TCOF1: variants seen among roughly 807,000 people sequenced by gnomAD.
TCOF1 encodes the protein treacle protein.
In TCOF1, 33 loss-of-function variants were observed where a neutral mutation model predicts 149.0. The ratio of observed to expected loss-of-function variants is 0.22; its 90% CI spans 0.17 to 0.30. The LOEUF is 0.30. Among genes scored for constraint, TCOF1 ranks in the 10% least tolerant of loss-of-function variants. TCOF1 has a pLI of 1.00. For missense variants in TCOF1, 1,728 were observed against 1,840.7 expected (o/e 0.94, Z 1.12); for synonymous variants, 789 against 738.8 (o/e 1.07, Z -1.10).
intron 24 of TCOF1, 88 bp downstream of exon 24, chr5:150,396,930 T>G (rs1768665248): frequency 1.4e-6 from 2 of 1,441,376 alleles, no homozygotes; most frequent in Admixed American, 2.0e-5. Context: ...CCTGGTCTCA[T>G]TCCTCCCATG....
intron 2 of TCOF1, among the ~76,000 whole-genome samples, chr5:150,362,536 G>A (rs1339769907): frequency 1.3e-5 from 2 of 152,190 alleles, no homozygotes; most frequent in African/African-American, 4.8e-5. Flanking sequence ...GCTTCAGGAA[G>A]ACAGGTTTCA....
intron 1 of TCOF1, 118 bp downstream of exon 1, chr5:150,357,972 C>G: frequency 1.0e-6 from 1 of 995,886 alleles, no homozygotes; most frequent in Non-Finnish European, 1.4e-6. Context: ...TCCCGCAGTG[C>G]TCGACGGCGC....
Position 150,372,161 on chromosome 5 carries a change from G to A in TCOF1, c.795G>A (p.Lys265=), listed in dbSNP as rs1318337271. 2.5e-6 allele frequency: 4 copies of A among 1,614,078 alleles called. No individual in the cohort carries two copies. Among genetic ancestry groups the A allele is most frequent in the African/African-American group, 2.7e-5 (2 of 74,952 alleles). The part of the protein sequence containing the change: ...GALPPAKRAK[K]PEEESESSEE... ...TGCCCCCAGCCAAGAGGGCCAAGAA[G>A]CCAGAAGAGGAGTCAGAGAGTAGTG... Residue 265 remains lysine, a synonymous_variant, in exon 7 of 27, where the codon AAG becomes AAA. Coordinates refer to ENST00000643257, the MANE Select transcript of TCOF1 (RefSeq NM_001371623.1).
chr5:150,379,498 A>AG (rs1229307400), intron 16 of TCOF1, 34 bp from the exon 17 acceptor site: 1 of 1,613,330 alleles, frequency 6.2e-7, no homozygotes, highest in Admixed American at 1.7e-5. Flanking sequence ...TCCACCCTCC[A>AG]GGCTCTCTCC....
chr5:150,375,206 A>G (rs772445766), intron 10 of TCOF1, 43 bp downstream of exon 10: 21 of 1,612,670 alleles, frequency 1.3e-5, no homozygotes, highest in Non-Finnish European at 1.8e-5. Context: ...CCCTGCCTCA[A>G]AAGACCTCCT....
chr5:150,392,627 G>A (rs1234196644), intron 21 of TCOF1, 78 bp from the exon 22 acceptor site: 1 of 1,448,690 alleles, frequency 6.9e-7, no homozygotes, highest in Non-Finnish European at 9.6e-7. Flanking sequence ...GAGAGACCAG[G>A]GCCTTCCTGA....
intron 6 of TCOF1, among the ~76,000 whole-genome samples, chr5:150,371,539 T>C (rs1762522490): frequency 6.6e-6 from 1 of 152,074 alleles, no homozygotes; most frequent in Non-Finnish European, 1.5e-5. Context: ...AGGAAAGAGC[T>C]CACAGAGGGA....
intron 7 of TCOF1, 150 bp downstream of exon 7, chr5:150,372,386 G>C: frequency 2.8e-6 from 2 of 711,132 alleles, no homozygotes. Flanking sequence ...CTTCCCACAG[G>C]GGAGTCTTGC....
chr5:150,384,046 C>T, intron 17 of TCOF1: 1 of 1,348,332 alleles, frequency 7.4e-7, no homozygotes, highest in African/African-American at 1.5e-5. Flanking sequence ...GCTCCCCTGT[C>T]CCAGGGCCTA....
rs749270349 is a variant in TCOF1, at chr5:150,374,761, T to C, written c.1228T>C (p.Ser410Pro). 8.7e-6 allele frequency: 14 copies of C among 1,611,892 alleles called. No individual in the cohort carries two copies. In the Admixed American group the frequency reaches 1.2e-4, roughly 13 times the overall value. The change falls in exon 9 of 27, where the codon TCG becomes CCG. Residue 410 changes from serine (S) to proline (P), a missense_variant. By Grantham distance (74) the Ser-to-Pro change is moderately conservative. Coordinates refer to ENST00000643257, the MANE Select transcript of TCOF1 (RefSeq NM_001371623.1). ...CCAGGCGGGGAAGCGGGAGGAGGAC[T>C]CGCAGAGCAGCAGCGAGGAATCGGA... ...KAQAGKREED[S>P]QSSSEESDSE...
chr5:150,398,047 C>T (rs1167523239), intron 24 of TCOF1, among the ~76,000 whole-genome samples: 2 of 152,222 alleles, frequency 1.3e-5, no homozygotes, highest in African/African-American at 2.4e-5. Context: ...TTCAGCCCCC[C>T]AAATAGCTGG....
intron 17 of TCOF1, chr5:150,384,402 C>T: frequency 2.0e-6 from 2 of 985,854 alleles, no homozygotes; most frequent in Non-Finnish European, 2.4e-6. Flanking sequence ...TGGCTGATGA[C>T]AAGTGGACAG....
At position 150,372,207 on chromosome 5, in the gene TCOF1, G is replaced by C; in HGVS notation, c.841G>C (p.Glu281Gln). ...ESSEEGSESE[E>Q]EAPAGTRSQV... ...TAGTGAGGAGGGATCTGAAAGTGAG[G>C]AGGAGGCCCCTGCAGGGACACGAAG... The change falls in exon 7 of 27, where the codon GAG (glutamate) becomes CAG (glutamine). Residue 281 changes from glutamate (E) to glutamine (Q), a missense_variant. Physicochemically the swap from Glu to Gln is conservative, Grantham distance 29 (BLOSUM62 2). This residue lies in a region of TCOF1 where 1,696 missense variants were observed against 1,765.4 expected (regional missense o/e 0.96). Coordinates refer to ENST00000643257, the MANE Select transcript of TCOF1 (RefSeq NM_001371623.1). 1 of 1,612,064 alleles carries C rather than the reference G, an allele frequency of 6.2e-7. No homozygotes were observed. The highest frequency in any genetic ancestry group is 8.5e-7 in the Non-Finnish European group (1 of 1,178,698).
At chr5:150,375,232 CCT>C in intron 10 of TCOF1, 69 bp downstream of exon 10, 1 of 1,611,104 alleles carries the variant, frequency 6.2e-7, no homozygotes, top group Non-Finnish European at 8.5e-7. Flanking sequence ...TTTGACTTTT[CCT>C]CTCTGAACCT....
At chr5:150,358,547 G>A (rs976627675) in intron 1 of TCOF1, among the ~76,000 whole-genome samples, 3 of 152,160 alleles carry the variant, frequency 2.0e-5, no homozygotes, top group African/African-American at 7.2e-5. Context: ...TTAAGAATGA[G>A]AGGGATGGGC....
chr5:150,399,215 T>G (rs1769263559), intron 26 of TCOF1, 145 bp downstream of exon 26: 2 of 1,054,212 alleles, frequency 1.9e-6, no homozygotes, highest in Non-Finnish European at 2.9e-6. Context: ...CAAGGGTCCA[T>G]GGGGCCACTG....
intron 4 of TCOF1, chr5:150,368,337 G>A (rs1028862233): frequency 5.7e-6 from 2 of 352,138 alleles, no homozygotes; most frequent in Admixed American, 9.0e-5. Context: ...AAAAAACAAG[G>A]TGTCATTTTC....
chr5:150,371,404 G>A (rs1227304774), intron 6 of TCOF1, among the ~76,000 whole-genome samples: 1 of 152,190 alleles, frequency 6.6e-6, no homozygotes. Context: ...ACCTCAATGG[G>A]CTGAGGCTGT....
In TCOF1 at chr5:150,372,162, C is replaced by G. The variant is rs1366586904; in HGVS notation, c.796C>G (p.Pro266Ala). The G allele has an allele frequency of 1.9e-6, 3 of 1,614,008 alleles. No individual in the cohort carries two copies. The highest frequency in any genetic ancestry group is 2.5e-6 in the Non-Finnish European group (3 of 1,180,018). Residue 266 changes from proline to alanine, a missense_variant, in exon 7 of 27, where the codon CCA (proline) becomes GCA (alanine). By Grantham distance (27) the Pro-to-Ala change is conservative. Coordinates refer to ENST00000643257, the MANE Select transcript of TCOF1 (RefSeq NM_001371623.1). ...ALPPAKRAKK[P>A]EEESESSEEG... Reference sequence around the variant, plus strand: ...GCCCCCAGCCAAGAGGGCCAAGAAGCCAGAAGAGGAGTCAGAGAGTAGTGA... The same window carrying G: ...GCCCCCAGCCAAGAGGGCCAAGAAGGCAGAAGAGGAGTCAGAGAGTAGTGA...
Sources: allele counts gnomAD v4.1 joint callset (sites outside exome capture counted in the v4.1 genomes callset), GRCh38; gene constraint gnomAD v4.1.1; regional missense constraint gnomAD v4.1.1; transcripts MANE v1.5; gene names NCBI Gene and HGNC (gene_info 2026-07-23, HGNC 2026-07-21).